Variants in MYO3B observed in about 807,000 individuals in gnomAD.
MYO3B encodes the protein myosin-IIIb.
Under a neutral mutation model 174.6 loss-of-function variants are expected in MYO3B, and 156 were observed. The ratio of observed to expected loss-of-function variants is 0.89; its 90% CI spans 0.78 to 1.02. MYO3B has a LOEUF of 1.02. Among genes scored for constraint, MYO3B ranks in the 50% least tolerant of loss-of-function variants. The pLI, the probability that MYO3B is intolerant of heterozygous loss-of-function variation, is 0.00. For missense variants in MYO3B, 1,632 were observed against 1,639.4 expected (o/e 1.00, Z 0.08); for synonymous variants, 563 against 569.1 (o/e 0.99, Z 0.15).
chr2:170,441,764 C>A (rs374151384), intron 22 of MYO3B, among the ~76,000 whole-genome samples: 1 of 152,172 alleles, frequency 6.6e-6, no homozygotes, highest in Non-Finnish European at 1.5e-5. Context: ...CATGCTAATG[C>A]ATTATAATTA....
intron 32 of MYO3B, among the ~76,000 whole-genome samples, chr2:170,621,180 C>T (rs1470376068): frequency 3.3e-5 from 5 of 152,154 alleles, no homozygotes; most frequent in Middle Eastern, 6.8e-3. Context: ...TGAGCCACCG[C>T]ACCCGGCCAA....
chr2:170,316,736 T>C (rs2093778383), intron 7 of MYO3B, among the ~76,000 whole-genome samples: 1 of 152,214 alleles, frequency 6.6e-6, no homozygotes, highest in Non-Finnish European at 1.5e-5. Context: ...ACTCAGTCGA[T>C]AGTTATGGTC....
intron 7 of MYO3B, among the ~76,000 whole-genome samples, chr2:170,301,874 CTTTTTTTTTTT>C (rs10538086): frequency 1.3e-5 from 1 of 74,740 alleles, no homozygotes; most frequent in Non-Finnish European, 2.4e-5. Flanking sequence ...AAAGTGGAGG[CTTTTTTTTTTT>C]TTTTTTTTTT....
intron 27 of MYO3B, among the ~76,000 whole-genome samples, chr2:170,500,018 C>G (rs1687158889): frequency 6.6e-6 from 1 of 151,318 alleles, no homozygotes; most frequent in Non-Finnish European, 1.5e-5. Flanking sequence ...TATCAAGTGC[C>G]TACTACACAG....
rs186767870 is a variant in MYO3B at position 170,486,832 on chromosome 2, C to A, written c.3015-11760C>A. On this transcript the variant is annotated intron_variant, in intron 25 of 34. Coordinates refer to ENST00000408978, the MANE Select transcript of MYO3B (RefSeq NM_138995.5). ...CTGATCACCATCATGTCCTTCATAA[C>A]CCTGACCATAGGAAACCATCCTTCA... 4.6e-5 allele frequency among the ~76,000 whole-genome samples: 7 copies of A among 152,266 alleles called. 1 individual carries two copies. In the East Asian group the frequency reaches 1.2e-3, roughly 25 times the overall value.
chr2:170,254,999 G>T (rs368783626), intron 7 of MYO3B, among the ~76,000 whole-genome samples: 4 of 152,152 alleles, frequency 2.6e-5, no homozygotes, highest in African/African-American at 9.7e-5. Flanking sequence ...AGACCCCATA[G>T]TCCTCTGCTG....
At chr2:170,223,547 T>A (rs1001312832) in intron 6 of MYO3B, among the ~76,000 whole-genome samples, 1 of 152,188 alleles carries the variant, frequency 6.6e-6, no homozygotes, top group Non-Finnish European at 1.5e-5. Context: ...GGAATCCATA[T>A]TTTGTGACTT....
intron 22 of MYO3B, among the ~76,000 whole-genome samples, chr2:170,433,047 C>A (rs931316598): frequency 4.6e-5 from 7 of 152,158 alleles, no homozygotes; most frequent in African/African-American, 1.4e-4. Flanking sequence ...AGAGCAACTT[C>A]TAGTCCCTGC....
At chr2:170,359,025 T>C (rs1036514023) in intron 8 of MYO3B, among the ~76,000 whole-genome samples, 1 of 152,120 alleles carries the variant, frequency 6.6e-6, no homozygotes, top group Non-Finnish European at 1.5e-5. Context: ...CTAAGAGATG[T>C]AGCATCACTA....
chr2:170,415,956 G>T (rs1289672355), intron 22 of MYO3B, among the ~76,000 whole-genome samples: 1 of 152,082 alleles, frequency 6.6e-6, no homozygotes. Context: ...GAAATCCTAA[G>T]CCCCAGTACC....
intron 32 of MYO3B, among the ~76,000 whole-genome samples, chr2:170,600,871 TC>T (rs759680187): frequency 6.6e-6 from 1 of 152,216 alleles, no homozygotes; most frequent in Non-Finnish European, 1.5e-5. Flanking sequence ...AATGTTTGCT[TC>T]TAATAATCCC....
chr2:170,470,748 C>A (rs1684933623), intron 25 of MYO3B, among the ~76,000 whole-genome samples: 1 of 152,048 alleles, frequency 6.6e-6, no homozygotes, highest in Admixed American at 6.6e-5. Flanking sequence ...TATTGTTTGT[C>A]TTTTTTATTT....
chr2:170,199,226 A>G lies in MYO3B; in HGVS notation c.21A>G (p.Leu7=). The G allele has an allele frequency of 6.2e-7, 1 of 1,612,004 alleles. No individual in the cohort carries two copies. Among genetic ancestry groups the G allele is most frequent in the Non-Finnish European group, 8.5e-7 (1 of 1,178,968 alleles). ...CAACCAGGAAACATCTGTATGGATT[A>G]TTTCACTATAATCCTATGATGCTTG... MKHLYG[L]FHYNPMMLGL... is the part of the protein sequence containing the mutation. The change falls in exon 2 of 35, where the codon TTA becomes TTG. Residue 7 remains leucine, a synonymous_variant. Transcript: ENST00000408978.
intron 30 of MYO3B, among the ~76,000 whole-genome samples, chr2:170,523,653 C>T (rs1323823079): frequency 2.0e-5 from 3 of 152,202 alleles, no homozygotes; most frequent in Non-Finnish European, 1.5e-5. Context: ...AGGCCCCTTG[C>T]ATCTCTTTGC....
chr2:170,543,859 G>A, intron 31 of MYO3B, 33 bp from the exon 32 acceptor site: 5 of 1,568,652 alleles, frequency 3.2e-6, no homozygotes, highest in Non-Finnish European at 4.4e-6. Flanking sequence ...CAGAGGATAA[G>A]AATAATATTT....
intron 7 of MYO3B, among the ~76,000 whole-genome samples, chr2:170,309,253 C>T (rs2093721612): frequency 6.6e-6 from 1 of 152,162 alleles, no homozygotes; most frequent in Admixed American, 6.5e-5. Flanking sequence ...GGTATCTCTA[C>T]CAAATCATAA....
rs746318644 is a variant in MYO3B, at chr2:170,653,224, G to A, written c.*103G>A. The A allele has an allele frequency of 2.6e-5, 37 of 1,427,448 alleles. No homozygotes were observed. Among genetic ancestry groups the A allele is most frequent in the Non-Finnish European group, 3.1e-5 (32 of 1,026,742 alleles). The allele number at this position is 1,427,448 out of a possible 1,614,324, so 88.4% of individuals were successfully genotyped here. On this transcript the variant is annotated 3_prime_UTR_variant, in exon 35 of 35. Coordinates refer to ENST00000408978, the MANE Select transcript of MYO3B (RefSeq NM_138995.5). The stretch of plus-strand genomic sequence containing the variant: ...CACTGATATGGGGTCAGCTTCTTTG[G>A]ACATATGGTCCATGCCTGAACCTTA...
At chr2:170,542,187 T>G (rs757784834) in intron 30 of MYO3B, among the ~76,000 whole-genome samples, 6 of 152,026 alleles carry the variant, frequency 3.9e-5, no homozygotes, top group Non-Finnish European at 5.9e-5. Context: ...TGCTTTCCAC[T>G]CTGCTGGTTC....
At chr2:170,543,771 T>C (rs1690281569) in intron 31 of MYO3B, 121 bp from the exon 32 acceptor site, 5 of 619,064 alleles carry the variant, frequency 8.1e-6, no homozygotes, top group Non-Finnish European at 1.3e-5. Flanking sequence ...ATGATTCCAG[T>C]ATACTTAGCC....
Sources: gnomAD v4.1 joint callset for allele counts (sites outside exome capture counted in the v4.1 genomes callset) on GRCh38, gnomAD v4.1.1 for gene constraint, MANE v1.5 for transcripts, NCBI Gene and HGNC (gene_info 2026-07-23, HGNC 2026-07-21) for gene names.